The following TSPAN15 variants were observed in gnomAD, a reference collection of about 807,000 sequenced individuals.
TSPAN15 encodes the protein tetraspanin-15.
TSPAN15 carries 20 observed loss-of-function variants against 34.5 expected under a neutral mutation model. The ratio of observed to expected loss-of-function variants is 0.58; its 90% CI spans 0.41 to 0.84. The LOEUF (loss-of-function observed/expected upper bound fraction) is 0.84. TSPAN15 is among the 40% of genes least tolerant of loss of function. TSPAN15 has a pLI of 0.00. For missense variants in TSPAN15, 313 were observed against 386.1 expected (o/e 0.81, Z 1.59); for synonymous variants, 155 against 153.9 (o/e 1.01, Z -0.05).
chr10:69,492,125 C>G (rs1454963922), intron 3 of TSPAN15, among the ~76,000 whole-genome samples: 1 of 152,204 alleles, frequency 6.6e-6, no homozygotes, highest in African/African-American at 2.4e-5. Context: ...CTCACTGGAG[C>G]TGCCCCTGCT....
intron 1 of TSPAN15, among the ~76,000 whole-genome samples, chr10:69,481,644 C>T (rs761412831): frequency 4.6e-5 from 7 of 152,154 alleles, no homozygotes; most frequent in Non-Finnish European, 5.9e-5. Context: ...GCTGGAGGGG[C>T]GGCCTCCTCG....
chr10:69,547,689 G>T, the TSPAN15 span, among the ~76,000 whole-genome samples: 11 of 152,152 alleles, frequency 7.2e-5, no homozygotes, highest in African/African-American at 2.7e-4. Context: ...GTAGGAAAGG[G>T]AATTTATTGG....
the TSPAN15 span, among the ~76,000 whole-genome samples, chr10:69,514,378 G>A: frequency 2.6e-5 from 4 of 152,286 alleles, no homozygotes; most frequent in Admixed American, 2.6e-4. Flanking sequence ...CATAGAATTA[G>A]CTGGGAACTG....
At chr10:69,467,529 G>A (rs1227815412) in intron 1 of TSPAN15, among the ~76,000 whole-genome samples, 5 of 152,082 alleles carry the variant, frequency 3.3e-5, no homozygotes, top group East Asian at 1.9e-4. Flanking sequence ...CAGGAGGATC[G>A]CTTGAGCCCA....
intron 3 of TSPAN15, among the ~76,000 whole-genome samples, chr10:69,486,588 A>C (rs954519437): frequency 1.3e-5 from 2 of 152,016 alleles, no homozygotes; most frequent in African/African-American, 4.8e-5. Context: ...ACAGTCATGC[A>C]CCCCTGTGCC....
chr10:69,452,522 T>C (rs1373969511), intron 1 of TSPAN15, among the ~76,000 whole-genome samples: 2 of 152,200 alleles, frequency 1.3e-5, no homozygotes, highest in Non-Finnish European at 2.9e-5. Flanking sequence ...ACAGTAATTA[T>C]ATTCAACTTG....
chr10:69,539,563 G>GAAGAAGAAGAAGAAGAAGAAGA, the TSPAN15 span, among the ~76,000 whole-genome samples: 3 of 101,504 alleles, frequency 3.0e-5, no homozygotes, highest in African/African-American at 1.0e-4. Context: ...GAAGGAGAAG[G>GAAGAAGAAGAAGAAGAAGAAGA]AGAAGAAGAC....
intron 5 of TSPAN15, among the ~76,000 whole-genome samples, chr10:69,504,144 G>A (rs759436140): frequency 5.9e-5 from 9 of 152,212 alleles, no homozygotes; most frequent in Non-Finnish European, 1.2e-4. Flanking sequence ...GCCCGGGAGC[G>A]TGGGCAGCAC....
At chr10:69,539,355 C>T in the TSPAN15 span, among the ~76,000 whole-genome samples, 8 of 134,540 alleles carry the variant, frequency 5.9e-5, no homozygotes, top group African/African-American at 1.6e-4. Context: ...CTAAAGAACT[C>T]ATTCATGTAA....
chr10:69,477,657 T>C (rs899209708), intron 1 of TSPAN15, among the ~76,000 whole-genome samples: 9 of 152,238 alleles, frequency 5.9e-5, no homozygotes, highest in Admixed American at 1.3e-4. Flanking sequence ...TGGCATCATC[T>C]AGGAAGTTCT....
intron 1 of TSPAN15, among the ~76,000 whole-genome samples, chr10:69,478,382 G>A (rs776265044): frequency 3.3e-5 from 5 of 152,160 alleles, no homozygotes; most frequent in Non-Finnish European, 7.3e-5. Flanking sequence ...TCTGAAAAGC[G>A]CTTTGTTTTG....
chr10:69,525,583 G>A, the TSPAN15 span, among the ~76,000 whole-genome samples: 3 of 147,312 alleles, frequency 2.0e-5, no homozygotes, highest in Non-Finnish European at 4.5e-5. Context: ...CACTTTGGGA[G>A]GCTGAGGCCA....
chr10:69,465,966 C>A (rs1415915340), intron 1 of TSPAN15, among the ~76,000 whole-genome samples: 1 of 152,188 alleles, frequency 6.6e-6, no homozygotes, highest in Non-Finnish European at 1.5e-5. Flanking sequence ...GCTGGAGTAG[C>A]ACCAGCTTCC....
intron 1 of TSPAN15, among the ~76,000 whole-genome samples, chr10:69,479,551 G>A (rs921518467): frequency 3.3e-5 from 5 of 152,214 alleles, no homozygotes; most frequent in African/African-American, 4.8e-5. Context: ...GTTTAGCTGA[G>A]GCCATCCTGC....
At position 69,455,590 on chromosome 10, in the gene TSPAN15, C is replaced by CTCTTTCTTTCTTTCTTTCTTTCTTTCTT. The variant is rs749957203; in HGVS notation, c.96+3919_96+3920insTTCTTTCTTTCTTTCTTTCTTTCTTTCT. Among the ~76,000 whole-genome samples the CTCTTTCTTTCTTTCTTTCTTTCTTTCTT allele has an allele frequency of 3.5e-3, 375 of 106,840 alleles. 13 individuals are homozygous for CTCTTTCTTTCTTTCTTTCTTTCTTTCTT. Among genetic ancestry groups the CTCTTTCTTTCTTTCTTTCTTTCTTTCTT allele is most frequent in the Middle Eastern group, 8.8e-3 (2 of 226 alleles). 70.1% of individuals were successfully genotyped at this position (106,840 alleles called of 152,430 possible). A position where few individuals can be genotyped will look rare whatever the true frequency, so the allele number is the denominator to read the frequency against. On this transcript the variant is annotated intron_variant, in intron 1 of 7. Transcript: ENST00000373290. ...TTCTTTCTCTTTTCTTTCTTTCTTT[C>CTCTTTCTTTCTTTCTTTCTTTCTTTCTT]TCTTTCTTTCTTTCTTTCTCTCTCT...
chr10:69,515,700 C>G, the TSPAN15 span, among the ~76,000 whole-genome samples: 22 of 152,344 alleles, frequency 1.4e-4, no homozygotes, highest in African/African-American at 4.6e-4. Flanking sequence ...CCTGGCTTTC[C>G]ACAGCTCGTG....
chr10:69,494,676 G>C (rs1268912677), intron 3 of TSPAN15: 1 of 985,334 alleles, frequency 1.0e-6, no homozygotes, highest in African/African-American at 1.7e-5. Context: ...CCTGGAACCA[G>C]GATCCTGTTG....
rs1564595474 is a variant in TSPAN15, at chr10:69,455,559, CTTTCTT to C, written c.96+3871_96+3876del. On this transcript the variant is annotated intron_variant, in intron 1 of 7. Transcript: ENST00000373290. ...CTTTCTTTCTTTCTTCTCTCTCTCTCTTTCTTTCTTTCTCTTTTCTTTCTTTCTTTC... is the reference window on the plus strand; with the variant it reads ...CTTTCTTTCTTTCTTCTCTCTCTCTCTCTTTCTCTTTTCTTTCTTTCTTTC... Among the ~76,000 whole-genome samples the C allele has an allele frequency of 2.2e-3, 306 of 136,198 alleles. 3 individuals are homozygous for C. The highest frequency in any genetic ancestry group is 3.2e-3 in the Non-Finnish European group (208 of 65,652). The allele number at this position is 136,198 out of a possible 152,430, so 89.4% of individuals were successfully genotyped here.
At chr10:69,475,509 A>G (rs957781060) in intron 1 of TSPAN15, among the ~76,000 whole-genome samples, 12 of 150,874 alleles carry the variant, frequency 8.0e-5, no homozygotes, top group Non-Finnish European at 1.6e-4. Context: ...CTGTCCCCAA[A>G]CTCTTCCCCA....
Sources: gnomAD v4.1 joint callset for allele counts (sites outside exome capture counted in the v4.1 genomes callset) on GRCh38, gnomAD v4.1.1 for gene constraint, MANE v1.5 for transcripts, NCBI Gene and HGNC (gene_info 2026-07-23, HGNC 2026-07-21) for gene names.